The following PLA2G5 variants were observed in gnomAD, a reference collection of about 807,000 sequenced individuals.
The protein encoded by PLA2G5 is phospholipase A2 group V, also known as Ca2+-dependent phospholipase A2.
PLA2G5 carries 12 observed loss-of-function variants against 15.9 expected under a neutral mutation model. The ratio of observed to expected loss-of-function variants is 0.76; its 90% CI spans 0.48 to 1.23. The LOEUF (loss-of-function observed/expected upper bound fraction) is 1.23, where lower values mean the gene tolerates loss of function less well. Ranked by LOEUF, PLA2G5 falls within the 50% of genes most tolerant of loss-of-function variation. The pLI, the probability that PLA2G5 is intolerant of heterozygous loss-of-function variation, is 0.00. For missense variants in PLA2G5, 169 were observed against 177.1 expected (o/e 0.95, Z 0.26); for synonymous variants, 71 against 71.4 (o/e 0.99, Z 0.03).
chr1:20,089,800 C>T lies in PLA2G5; in HGVS notation c.197C>T (p.Ala66Val), dbSNP rs772024718. The T allele has an allele frequency of 6.2e-7, 1 of 1,613,822 alleles. No individual in the cohort carries two copies. Among genetic ancestry groups the T allele is most frequent in the Non-Finnish European group, 8.5e-7 (1 of 1,179,748 alleles). ...TCTTGCACGGACAGGTGCTGTTGGG[C>T]GCATGACCACTGCTATGGGCGGCTG... The part of the protein sequence containing the change: ...PKDGTDWCCW[A>V]HDHCYGRLEE... Residue 66 changes from alanine to valine, a missense_variant, in exon 4 of 5, where the codon GCG (alanine) becomes GTG (valine). Ala to Val is a moderately conservative substitution (Grantham distance 64). Transcript: ENST00000375108.
intron 1 of PLA2G5, among the ~76,000 whole-genome samples, chr1:20,033,517 A>G (rs1185098630): frequency 2.0e-5 from 3 of 152,146 alleles, no homozygotes; most frequent in East Asian, 1.9e-4. Flanking sequence ...GGAAGATGCA[A>G]TTGTAATGTG....
intron 1 of PLA2G5, among the ~76,000 whole-genome samples, chr1:20,083,882 C>T (rs11573261): frequency 6.6e-6 from 1 of 151,782 alleles, no homozygotes; most frequent in African/African-American, 2.4e-5. Context: ...ACCTACCCTG[C>T]AGCACTCTCG....
At chr1:20,053,572 G>GA (rs982304314) in intron 1 of PLA2G5, among the ~76,000 whole-genome samples, 1 of 52,482 alleles carries the variant, frequency 1.9e-5, no homozygotes, top group South Asian at 7.7e-4. Context: ...TTACTTTGCG[G>GA]GGGGGGGGGT....
chr1:20,034,139 G>A (rs541182609), intron 1 of PLA2G5, among the ~76,000 whole-genome samples: 327 of 152,222 alleles, frequency 2.1e-3, no homozygotes, highest in Non-Finnish European at 3.1e-3. Flanking sequence ...GTGTTGGATG[G>A]ACAGGTTAAA....
At chr1:20,056,986 T>A (rs1421423547) in intron 1 of PLA2G5, among the ~76,000 whole-genome samples, 1 of 152,192 alleles carries the variant, frequency 6.6e-6, no homozygotes, top group Non-Finnish European at 1.5e-5. Context: ...ATCTAGGCTA[T>A]CAAATTTCTG....
intron 2 of PLA2G5, 152 bp from the exon 3 acceptor site, chr1:20,085,931 C>T (rs1043483602): frequency 2.9e-6 from 2 of 695,020 alleles, no homozygotes; most frequent in Non-Finnish European, 4.7e-6. Flanking sequence ...ATACTGCTTG[C>T]ACCTCCCTTC....
chr1:20,070,406 C>T lies in PLA2G5; in HGVS notation c.-70C>T, dbSNP rs2015298894. The T allele has an allele frequency of 4.1e-6, 4 of 985,284 alleles. No homozygotes were observed. In the South Asian group the frequency reaches 1.4e-4, roughly 35 times the overall value. 61.0% of individuals were successfully genotyped at this position (985,284 alleles called of 1,614,324 possible). On this transcript the variant is annotated 5_prime_UTR_variant, in exon 1 of 5. Transcript: ENST00000375108. The stretch of plus-strand genomic sequence containing the variant: ...CGAGACCCGGGTCTCCAGGGTCTGC[C>T]CAAGGAAGTTGCTCATGGGAGCAGA...
intron 1 of PLA2G5, among the ~76,000 whole-genome samples, chr1:20,038,944 T>C (rs1259074951): frequency 6.6e-6 from 1 of 152,108 alleles, no homozygotes; most frequent in Non-Finnish European, 1.5e-5. Flanking sequence ...CAGCTGAGGG[T>C]ATTCCTCTTG....
chr1:20,032,847 G>T (rs1172254163), intron 1 of PLA2G5, among the ~76,000 whole-genome samples: 2 of 152,152 alleles, frequency 1.3e-5, no homozygotes, highest in Non-Finnish European at 2.9e-5. Flanking sequence ...TGCCTGCCAG[G>T]CTGCTGAATT....
upstream of PLA2G5, among the ~76,000 whole-genome samples, chr1:20,066,611 C>T (rs113357356): frequency 9.6e-3 from 1,467 of 152,290 alleles, 9 homozygotes; most frequent in Non-Finnish European, 0.014. Context: ...TTGAATCATT[C>T]CAGTTGGTCT....
intron 1 of PLA2G5, chr1:20,076,653 A>G (rs970543782): frequency 2.0e-5 from 3 of 152,232 alleles, no homozygotes; most frequent in Non-Finnish European, 4.4e-5. Context: ...AAGGAATACC[A>G]TGAATGCTGA....
intron 1 of PLA2G5, among the ~76,000 whole-genome samples, chr1:20,042,936 G>A (rs1169804042): frequency 6.6e-6 from 1 of 151,524 alleles, no homozygotes; most frequent in Non-Finnish European, 1.5e-5. Context: ...TTGTAGGAGG[G>A]GCTATAAAGT....
In PLA2G5 at chr1:20,041,862, C is replaced by T. The variant is rs544837964; in HGVS notation, n.276+13153C>T. 9.2e-5 allele frequency among the ~76,000 whole-genome samples: 14 copies of T among 152,254 alleles called. No homozygotes were observed. In the South Asian group the frequency reaches 1.0e-3, roughly 11 times the overall value. ...TGGCAGTGAGGGACAGAAGTTGGAA[C>T]GCTAGGTGCTTCTTTAGCTACCTTA... On this transcript the variant is annotated intron_variant and non_coding_transcript_variant, in intron 1 of 6. Transcript: ENST00000460175.
intron 1 of PLA2G5, among the ~76,000 whole-genome samples, chr1:20,029,213 T>C (rs2012744335): frequency 6.6e-6 from 1 of 152,106 alleles, no homozygotes; most frequent in African/African-American, 2.4e-5. Context: ...TTCAGGCCGC[T>C]TGGCACCCTG....
At chr1:20,049,767 T>G (rs953364645) in intron 1 of PLA2G5, among the ~76,000 whole-genome samples, 10 of 152,180 alleles carry the variant, frequency 6.6e-5, no homozygotes, top group Non-Finnish European at 4.4e-5. Flanking sequence ...TTACCCAGTC[T>G]CAGGTATGTC....
chr1:20,058,644 T>C (rs2014553990), intron 1 of PLA2G5, among the ~76,000 whole-genome samples: 1 of 152,180 alleles, frequency 6.6e-6, no homozygotes. Flanking sequence ...ATTTAATGGC[T>C]GAGTGAGTCA....
chr1:20,057,468 G>A (rs1258168741), intron 1 of PLA2G5, among the ~76,000 whole-genome samples: 1 of 151,588 alleles, frequency 6.6e-6, no homozygotes, highest in Non-Finnish European at 1.5e-5. Flanking sequence ...GTATTAGTAT[G>A]GTATATATTT....
chr1:20,032,693 C>T (rs10799606), intron 1 of PLA2G5, among the ~76,000 whole-genome samples: 49,607 of 151,966 alleles, frequency 0.33, 8,232 homozygotes, highest in Admixed American at 0.39. Context: ...GGTCCTGGAA[C>T]TTGGGCAAGA....
chr1:20,060,402 C>T (rs1220595003), intron 2 of PLA2G5, among the ~76,000 whole-genome samples: 4 of 151,088 alleles, frequency 2.6e-5, no homozygotes, highest in African/African-American at 4.9e-5. Context: ...TATAGGCATG[C>T]GCCACCACGC....
Sources: gnomAD v4.1 joint callset for allele counts (sites outside exome capture counted in the v4.1 genomes callset) on GRCh38, gnomAD v4.1.1 for gene constraint, MANE v1.5 for transcripts, NCBI Gene and HGNC (gene_info 2026-07-23, HGNC 2026-07-21) for gene names.